The following SLC49A3 variants were observed in gnomAD, a reference collection of about 807,000 sequenced individuals.
SLC49A3 encodes solute carrier family 49 member 3, also known as solute carrier family 49 member A3.
In SLC49A3, 50 loss-of-function variants were observed where a neutral mutation model predicts 43.8. The observed-to-expected ratio is 1.14, with a 90% CI of 0.91 to 1.45. The LOEUF is 1.45. SLC49A3 is among the 40% of genes most tolerant of loss of function. SLC49A3 has a pLI of 0.00. For missense variants in SLC49A3, 906 were observed against 774.1 expected (o/e 1.17, Z -2.02); for synonymous variants, 413 against 352.0 (o/e 1.17, Z -1.94).
At chr4:679,189 G>A (rs752576776), downstream of SLC49A3, 9 of 784,632 alleles carry the variant, frequency 1.1e-5, no homozygotes, top group Admixed American at 6.0e-5. Flanking sequence ...GGCCCTGGCC[G>A]CCCTTGGTTC....
chr4:678,605 G>A (rs1739098190), downstream of SLC49A3: 1 of 1,562,540 alleles, frequency 6.4e-7, no homozygotes, highest in Non-Finnish European at 8.7e-7. Context: ...TGGGTGCCCT[G>A]GAGGGTTTCG....
At chr4:691,047 G>A (rs997838967), upstream of SLC49A3, among the ~76,000 whole-genome samples, 101 of 152,226 alleles carry the variant, frequency 6.6e-4, no homozygotes, top group Non-Finnish European at 1.9e-4. Context: ...AGCACTTTGG[G>A]AGGCCAAGGC....
chr4:685,002 C>T lies in SLC49A3; in HGVS notation c.586-146G>A, dbSNP rs565829018. ...ACCTCTGGTCTGCAGCTGCCCTTTG[C>T]GAGGCCCAGGCTGGGAGGGGCCTGC... On this transcript the variant is annotated intron_variant, in intron 4 of 9. Transcript: ENST00000322224. This position sits in a 1 kb window ranked among gnomAD's most constrained non-coding sequence, Gnocchi z 4.3. 125 of 1,151,104 alleles carry T rather than the reference C, an allele frequency of 1.1e-4. No individual in the cohort carries two copies. Among genetic ancestry groups the T allele is most frequent in the Non-Finnish European group, 1.2e-4 (105 of 844,140 alleles). The allele number at this position is 1,151,104 out of a possible 1,614,324, so 71.3% of individuals were successfully genotyped here.
rs540449941 is a variant in SLC49A3, at chr4:686,945, G to A, written c.136-255C>T. On this transcript the variant is annotated intron_variant, in intron 1 of 9. Transcript: ENST00000322224. ...GGGCAGACACTGAGGCCAAGGACCT[G>A]GCCAGAGCCCACAGGACCACGAGCC... Among the ~76,000 whole-genome samples, 230 of 152,342 alleles carry A rather than the reference G, an allele frequency of 1.5e-3. 1 individual carries two copies. The highest frequency in any genetic ancestry group is 5.0e-3 in the African/African-American group (206 of 41,580).
At chr4:688,842 C>T in intron 1 of SLC49A3, 151 bp downstream of exon 1, 1 of 1,274,652 alleles carries the variant, frequency 7.8e-7, no homozygotes, top group Non-Finnish European at 1.0e-6. Flanking sequence ...GACAGTGCCC[C>T]CAGTGCCCGC....
In SLC49A3 at chr4:686,625, C is replaced by T. The variant is rs755588181; in HGVS notation, c.201G>A (p.Gln67=). 1.2e-5 allele frequency: 19 copies of T among 1,613,390 alleles called. No homozygotes were observed. Among genetic ancestry groups the T allele is most frequent in the Non-Finnish European group, 1.3e-5 (15 of 1,179,962 alleles). Residue 67 remains glutamine (Q), a synonymous_variant, in exon 2 of 10, where the codon CAG becomes CAA. Coordinates refer to ENST00000322224, the MANE Select transcript of SLC49A3 (RefSeq NM_032219.4). ...GGTAGACCAGTGACAGCCAGTTGAT[C>T]TGCTCCATGGACAGGACCAAGTCCT... ...IAEDLVLSME[Q]INWLSLVYLV...
chr4:686,785 C>G, intron 1 of SLC49A3, 95 bp from the exon 2 acceptor site: 1 of 1,462,240 alleles, frequency 6.8e-7, no homozygotes, highest in Non-Finnish European at 9.2e-7. Context: ...GTGCCAGCAG[C>G]CCCGTGAGGC....
At chr4:688,851 G>T in intron 1 of SLC49A3, 142 bp downstream of exon 1, 3 of 1,329,282 alleles carry the variant, frequency 2.3e-6, no homozygotes, top group Non-Finnish European at 1.9e-6. Context: ...CCCAGTGCCC[G>T]CAATCCCTAG....
downstream of SLC49A3, chr4:679,291 C>T (rs953041594): frequency 3.1e-5 from 12 of 388,070 alleles, no homozygotes; most frequent in Non-Finnish European, 5.1e-5. Context: ...AGGCAGCAGG[C>T]TCCAGGGAGG....
Position 683,611 on chromosome 4 carries a change from G to C in SLC49A3, c.991C>G (p.Leu331Val). 3.2e-6 allele frequency: 5 copies of C among 1,576,960 alleles called. No homozygotes were observed. The highest frequency in any genetic ancestry group is 4.3e-6 in the Non-Finnish European group (5 of 1,159,818). The change falls in exon 7 of 10, where the codon CTG becomes GTG. Residue 331 changes from leucine (L) to valine (V), a missense_variant and splice_region_variant. Transcript: ENST00000322224. ...LFSLACVPFA[L>V]VSQLQGQTLA... is the part of the protein sequence containing the mutation. ...TCTTGGCTTGAGGAGACCCTCACCA[G>C]GGCAAAGGGCACGCAGGCCAGAGAG...
downstream of SLC49A3, chr4:679,127 C>A: frequency 2.0e-6 from 2 of 984,700 alleles, no homozygotes; most frequent in East Asian, 3.8e-5. Context: ...TCGAATGGAG[C>A]CAGGGCCCGC....
chr4:678,196 G>T, downstream of SLC49A3: 2 of 1,524,110 alleles, frequency 1.3e-6, no homozygotes, highest in Non-Finnish European at 1.8e-6. Context: ...GTGTATGTGC[G>T]TGTGTGTGAC....
rs1740714392 is a variant in SLC49A3 at position 685,053 on chromosome 4, C to T, written c.586-197G>A. ...TCCAGGGGCTCATGGGGACCCCTGG[C>T]TGTCAACGCATCCCTCACCAGTGAC... On this transcript the variant is annotated intron_variant, in intron 4 of 9. Coordinates refer to ENST00000322224, the MANE Select transcript of SLC49A3 (RefSeq NM_032219.4). The surrounding 1 kb of genome is among the most constrained non-coding windows in gnomAD (Gnocchi z 4.3). The T allele has an allele frequency of 3.1e-6, 2 of 643,258 alleles. No homozygotes were observed. The highest frequency in any genetic ancestry group is 5.1e-6 in the Non-Finnish European group (2 of 390,374). 39.8% of individuals were successfully genotyped at this position (643,258 alleles called of 1,614,324 possible).
chr4:688,505 C>T (rs1348942577), intron 1 of SLC49A3, among the ~76,000 whole-genome samples: 1 of 152,196 alleles, frequency 6.6e-6, no homozygotes, highest in East Asian at 1.9e-4. Flanking sequence ...TGAGGGCACA[C>T]AGGGCGGGAA....
downstream of SLC49A3, among the ~76,000 whole-genome samples, chr4:677,522 GGACT>G (rs1386178568): frequency 6.6e-6 from 1 of 152,216 alleles, no homozygotes; most frequent in Non-Finnish European, 1.5e-5. Context: ...CCAAGGCTAT[GGACT>G]GACTTCTGTC....
chr4:682,235 CCT>C lies in SLC49A3; in HGVS notation c.1401_1402del (p.Gly468AlafsTer76), dbSNP rs1272012216. ...TGCTCCCCCTCGGTCCACACCCGGC[CCT>C]GAGTCTGCGCCGCCCACGGCGTTAC... On this transcript the variant is annotated frameshift_variant, in exon 10 of 10. Transcript: ENST00000322224. LOFTEE classifies it low-confidence loss of function (END_TRUNC). The C allele has an allele frequency of 1.4e-6, 2 of 1,382,206 alleles. No individual in the cohort carries two copies. Among genetic ancestry groups the C allele is most frequent in the African/African-American group, 3.0e-5 (2 of 66,762 alleles). The allele number at this position is 1,382,206 out of a possible 1,614,324, so 85.6% of individuals were successfully genotyped here.
rs1442329277 is a variant in SLC49A3, at chr4:684,556, C to T, written c.767G>A (p.Gly256Glu). Residue 256 changes from glycine (G) to glutamate (E), a missense_variant, in exon 6 of 10, where the codon GGG becomes GAG. Gly to Glu is a moderately conservative substitution (Grantham distance 98). Transcript: ENST00000322224. ...GCTGGCAGAGATCCCGATCATTCCC[C>T]CCAAGCACACAGCCAGGATGACATA... The part of the protein sequence containing the change: ...KAYVILAVCL[G>E]GMIGISASFS... 3.1e-6 allele frequency: 5 copies of T among 1,613,238 alleles called. No homozygotes were observed. Among genetic ancestry groups the T allele is most frequent in the Non-Finnish European group, 3.4e-6 (4 of 1,179,952 alleles).
At position 685,772 on chromosome 4, in the gene SLC49A3, A is replaced by G; in HGVS notation, c.585+63T>C. 1.9e-6 allele frequency: 3 copies of G among 1,551,760 alleles called. No individual in the cohort carries two copies. The South Asian group carries it at 3.4e-5, about 17-fold the overall frequency. On this transcript the variant is annotated intron_variant, in intron 4 of 9. Coordinates refer to ENST00000322224, the MANE Select transcript of SLC49A3 (RefSeq NM_032219.4). This position sits in a 1 kb window ranked among gnomAD's most constrained non-coding sequence, Gnocchi z 4.3. Reference sequence around the variant, plus strand: ...AACACGGACACACTTGGGATCAGGAACACACAGACGTGCATGCGCACACAC... The same window carrying G: ...AACACGGACACACTTGGGATCAGGAGCACACAGACGTGCATGCGCACACAC...
At chr4:679,268 A>G, downstream of SLC49A3, 1 of 634,174 alleles carries the variant, frequency 1.6e-6, no homozygotes, top group South Asian at 1.6e-5. Flanking sequence ...CTGGAAACTC[A>G]GAGTGGGCTT....
Sources: gnomAD v4.1 joint callset for allele counts (sites outside exome capture counted in the v4.1 genomes callset) on GRCh38, gnomAD v4.1.1 for gene constraint, Gnocchi (gnomAD v3.1) non-coding constraint, MANE v1.5 for transcripts, NCBI Gene and HGNC (gene_info 2026-07-23, HGNC 2026-07-21) for gene names.